The following RALGPS1 variants were observed in gnomAD, a reference collection of about 807,000 sequenced individuals.
RALGPS1 encodes the protein Ral GEF with PH domain and SH3 binding motif 1.
A neutral mutation model predicts 78.8 loss-of-function variants in RALGPS1; 19 were observed. That is an observed-to-expected ratio of 0.24 (90% CI 0.17 to 0.35). The LOEUF (loss-of-function observed/expected upper bound fraction) is 0.35. Ranked by LOEUF, RALGPS1 falls within the 10% of genes least tolerant of loss-of-function variation. RALGPS1 has a pLI of 1.00. For synonymous variants in RALGPS1, 228 were observed against 256.3 expected, an observed-to-expected ratio of 0.89 and a Z score of 1.06; for missense variants, 454 against 688.3, an observed-to-expected ratio of 0.66 and a Z score of 3.81.
chr9:126,981,232 C>T (rs563243146), intron 4 of RALGPS1, among the ~76,000 whole-genome samples: 4 of 152,254 alleles, frequency 2.6e-5, no homozygotes, highest in East Asian at 1.9e-4. Context: ...GGATGGTATT[C>T]GGGATGGTCC....
At chr9:127,158,619 G>A (rs2058833780) in intron 8 of RALGPS1, among the ~76,000 whole-genome samples, 1 of 151,912 alleles carries the variant, frequency 6.6e-6, no homozygotes, top group African/African-American at 2.4e-5. Context: ...TTGCTAGACT[G>A]TTGATTTTTT....
chr9:127,093,095 G>A (rs1195583201), intron 8 of RALGPS1, among the ~76,000 whole-genome samples: 1 of 152,142 alleles, frequency 6.6e-6, no homozygotes, highest in East Asian at 1.9e-4. Context: ...TTAGCATGGT[G>A]CTGGCACGGG....
At chr9:127,153,984 C>T (rs922012620) in intron 8 of RALGPS1, among the ~76,000 whole-genome samples, 1 of 152,206 alleles carries the variant, frequency 6.6e-6, no homozygotes, top group African/African-American at 2.4e-5. Context: ...AGAGGCAATA[C>T]AAGGAGAGTA....
rs772391874 is a variant in RALGPS1, at chr9:127,212,265, A to G, written c.1353+29A>G. ...AGTACAGACCCACATCCACCGGGGC[A>G]GCAGGGGCTTCCACATCTGTAAATA... is the stretch of plus-strand genomic sequence containing the variant. On this transcript the variant is annotated intron_variant, in intron 15 of 18. Transcript: ENST00000259351. This position sits in a 1 kb window ranked among gnomAD's most constrained non-coding sequence, Gnocchi z 6.0. 5 of 1,542,974 alleles carry G rather than the reference A, an allele frequency of 3.2e-6. No individual in the cohort carries two copies. Among genetic ancestry groups the G allele is most frequent in the Non-Finnish European group, 4.4e-6 (5 of 1,127,102 alleles).
intron 8 of RALGPS1, among the ~76,000 whole-genome samples, chr9:127,096,063 G>T (rs1204292092): frequency 6.6e-6 from 1 of 152,100 alleles, no homozygotes; most frequent in Non-Finnish European, 1.5e-5. Context: ...TAAGGGATGG[G>T]GCAGGACCCA....
rs1244182194 is a variant in RALGPS1 at position 127,223,036 on chromosome 9, GT to G, written c.*4269del. On this transcript the variant is annotated 3_prime_UTR_variant, in exon 19 of 19. Transcript: ENST00000259351. ...CTTTCGATTTTTGGTGAAGTATTTTGTTACCTCAGTCTTGTATCAAGTTGCT... is the reference window on the plus strand; with the variant it reads ...CTTTCGATTTTTGGTGAAGTATTTTGTACCTCAGTCTTGTATCAAGTTGCT... The G allele has an allele frequency of 6.6e-6, 1 of 152,530 alleles. No homozygotes were observed. Among genetic ancestry groups the G allele is most frequent in the Non-Finnish European group, 1.5e-5 (1 of 68,002 alleles). The allele number at this position is 152,530 out of a possible 1,614,324, so 9.4% of individuals were successfully genotyped here. A position where few individuals can be genotyped will look rare whatever the true frequency, so the allele number is the denominator to read the frequency against.
chr9:127,075,962 C>T (rs929578539), intron 8 of RALGPS1, among the ~76,000 whole-genome samples: 2 of 152,116 alleles, frequency 1.3e-5, no homozygotes, highest in African/African-American at 4.8e-5. Flanking sequence ...AATTGTAGAG[C>T]CAGTTGGCTG....
At chr9:127,123,287 T>C (rs1166880398) in intron 8 of RALGPS1, among the ~76,000 whole-genome samples, 3 of 152,392 alleles carry the variant, frequency 2.0e-5, no homozygotes, top group Non-Finnish European at 2.9e-5. Flanking sequence ...TACCACAGGC[T>C]GAGGGTGGAG....
chr9:127,099,097 A>T (rs1057257941), intron 8 of RALGPS1, among the ~76,000 whole-genome samples: 2 of 152,176 alleles, frequency 1.3e-5, no homozygotes, highest in Admixed American at 1.3e-4. Context: ...CTTCCTGCCC[A>T]CAGCGGGACT....
chr9:127,182,312 ACCTT>A (rs1252465455), intron 11 of RALGPS1, among the ~76,000 whole-genome samples: 2 of 143,378 alleles, frequency 1.4e-5, no homozygotes, highest in Admixed American at 6.9e-5. Flanking sequence ...CTACCTACCT[ACCTT>A]CCTTCCTTCC....
In RALGPS1 at chr9:127,091,725, T is replaced by C. The variant is rs1360616420; in HGVS notation, c.610+22369T>C. On this transcript the variant is annotated intron_variant, in intron 8 of 18. Coordinates refer to ENST00000259351, the MANE Select transcript of RALGPS1 (RefSeq NM_014636.3). This position sits in a 1 kb window ranked among gnomAD's most constrained non-coding sequence, Gnocchi z 4.3. ...TGGTGAACTGCTTGCCGTTGTGCCA[T>C]GTAAAGGAGTCACCCGCATTGCCAT... 3.1e-6 allele frequency: 5 copies of C among 1,614,064 alleles called. No individual in the cohort carries two copies. Among genetic ancestry groups the C allele is most frequent in the Non-Finnish European group, 4.2e-6 (5 of 1,180,014 alleles).
chr9:126,934,221 ACTGGTCCAAATGACTGAG>A (rs1406790870), intron 1 of RALGPS1, among the ~76,000 whole-genome samples: 2 of 152,238 alleles, frequency 1.3e-5, no homozygotes, highest in African/African-American at 4.8e-5. Context: ...TAGCACTGTA[ACTGGTCCAAATGACTGAG>A]CTTTGAAAGA....
Position 126,917,905 on chromosome 9 carries a change from CTGG to C in RALGPS1, c.-66+2932_-66+2934del, listed in dbSNP as rs1255189184. ...CAAGAGTCCTTCGAGCTCTAGCCTT[CTGG>C]TTAGCATGCCGTCATCTTTTCTTCA... On this transcript the variant is annotated intron_variant, in intron 1 of 18. Transcript: ENST00000259351. 2.6e-5 allele frequency among the ~76,000 whole-genome samples: 4 copies of C among 152,308 alleles called. No homozygotes were observed. In the East Asian group the frequency reaches 5.8e-4, roughly 22 times the overall value.
chr9:127,201,018 G>A (rs1325987711), intron 14 of RALGPS1, among the ~76,000 whole-genome samples: 1 of 152,240 alleles, frequency 6.6e-6, no homozygotes, highest in Non-Finnish European at 1.5e-5. Flanking sequence ...TACTGAAGGT[G>A]TAGCAGATAT....
chr9:127,025,269 G>A (rs1393693228), intron 4 of RALGPS1, among the ~76,000 whole-genome samples: 1 of 152,204 alleles, frequency 6.6e-6, no homozygotes, highest in Non-Finnish European at 1.5e-5. Context: ...TTATATGGCT[G>A]TACCATGATT....
At chr9:127,133,779 G>A (rs1294554169) in intron 8 of RALGPS1, among the ~76,000 whole-genome samples, 5 of 152,000 alleles carry the variant, frequency 3.3e-5, no homozygotes, top group Non-Finnish European at 7.4e-5. Flanking sequence ...TGCTTAAGCC[G>A]TGACTTGCTG....
At position 127,212,008 on chromosome 9, in the gene RALGPS1, G is replaced by A. The variant is rs576244306; in HGVS notation, c.1248-123G>A. Reference sequence around the variant, plus strand: ...TCCCCTCCGGGCCTTGCTCTGCGCCGTTAAGTCTGGACTGCTGGGATGTCA... The same window carrying A: ...TCCCCTCCGGGCCTTGCTCTGCGCCATTAAGTCTGGACTGCTGGGATGTCA... On this transcript the variant is annotated intron_variant, in intron 14 of 18. Coordinates refer to ENST00000259351, the MANE Select transcript of RALGPS1 (RefSeq NM_014636.3). This position sits in a 1 kb window ranked among gnomAD's most constrained non-coding sequence, Gnocchi z 6.0. The A allele has an allele frequency of 9.2e-5, 68 of 739,700 alleles. No homozygotes were observed. Among genetic ancestry groups the A allele is most frequent in the Non-Finnish European group, 1.3e-4 (59 of 467,662 alleles). The allele number at this position is 739,700 out of a possible 1,614,324, so 45.8% of individuals were successfully genotyped here.
At chr9:126,979,379 T>G (rs2041018261) in intron 4 of RALGPS1, among the ~76,000 whole-genome samples, 1 of 152,162 alleles carries the variant, frequency 6.6e-6, no homozygotes, top group African/African-American at 2.4e-5. Flanking sequence ...TGTGGTATGA[T>G]CCATTATTTC....
intron 4 of RALGPS1, among the ~76,000 whole-genome samples, chr9:126,995,280 A>T (rs1392624022): frequency 6.6e-6 from 1 of 152,146 alleles, no homozygotes; most frequent in African/African-American, 2.4e-5. Flanking sequence ...TGTATTCAGG[A>T]AACCCATCTC....
Sources: gnomAD v4.1 joint callset for allele counts (sites outside exome capture counted in the v4.1 genomes callset) on GRCh38, gnomAD v4.1.1 for gene constraint, Gnocchi (gnomAD v3.1) non-coding constraint, MANE v1.5 for transcripts, NCBI Gene and HGNC (gene_info 2026-07-23, HGNC 2026-07-21) for gene names.